EHD4: variants seen among roughly 807,000 people sequenced by gnomAD.
EHD4 encodes EH domain-containing protein 4.
In EHD4, 37 loss-of-function variants were observed where a neutral mutation model predicts 51.0. The ratio of observed to expected loss-of-function variants is 0.73; its 90% CI spans 0.56 to 0.95. The LOEUF (loss-of-function observed/expected upper bound fraction) is 0.95. Ranked by LOEUF, EHD4 falls within the 40% of genes least tolerant of loss-of-function variation. The pLI is 0.00. For missense variants in EHD4, 632 were observed against 733.1 expected (o/e 0.86, Z 1.59); for synonymous variants, 297 against 317.3 (o/e 0.94, Z 0.68).
intron 5 of EHD4, among the ~76,000 whole-genome samples, chr15:41,909,346 C>T (rs1318894499): frequency 2.0e-5 from 3 of 152,188 alleles, no homozygotes; most frequent in Non-Finnish European, 4.4e-5. Flanking sequence ...TGGAGGAGGC[C>T]GCCCAAGGTG....
At chr15:41,927,587 T>A (rs969031287) in intron 3 of EHD4, among the ~76,000 whole-genome samples, 1 of 152,160 alleles carries the variant, frequency 6.6e-6, no homozygotes, top group Non-Finnish European at 1.5e-5. Flanking sequence ...AATAAGCCCA[T>A]CACAGAAGGA....
chr15:41,957,855 C>T (rs966148749), intron 1 of EHD4, among the ~76,000 whole-genome samples: 2 of 152,106 alleles, frequency 1.3e-5, no homozygotes, highest in Non-Finnish European at 2.9e-5. Flanking sequence ...TGAGGGAACT[C>T]GGAACAACCA....
intron 1 of EHD4, among the ~76,000 whole-genome samples, chr15:41,971,182 G>A (rs1301019325): frequency 6.6e-6 from 1 of 152,210 alleles, no homozygotes; most frequent in Non-Finnish European, 1.5e-5. Flanking sequence ...GGTCACTGGA[G>A]TGGAGAAAAA....
rs146404831 is a variant in EHD4 at position 41,968,835 on chromosome 15, A to ACTC, written c.236+3421_236+3423dup. ...GAAAATTTATTCTTTTACAGGGTGC[A>ACTC]CTCCTTTAGTATATTCACAAAGTTG... On this transcript the variant is annotated intron_variant, in intron 1 of 5. Coordinates refer to ENST00000220325, the MANE Select transcript of EHD4 (RefSeq NM_139265.4). Among the ~76,000 whole-genome samples, 4 of 152,268 alleles carry ACTC rather than the reference A, an allele frequency of 2.6e-5. No homozygotes were observed. In the East Asian group the frequency reaches 7.7e-4, roughly 29 times the overall value.
Position 41,955,906 on chromosome 15 carries a change from C to T in EHD4, c.237-1966G>A, listed in dbSNP as rs150932068. On this transcript the variant is annotated intron_variant, in intron 1 of 5. Transcript: ENST00000220325. ...GAGGCTGGAATTCAAAGCCAGATCA[C>T]ACTCTTGCCTCCACTCACGTCCAGT... is the stretch of plus-strand genomic sequence containing the variant. Among the ~76,000 whole-genome samples the T allele has an allele frequency of 1.8e-4, 27 of 152,330 alleles. No homozygotes were observed. The East Asian group carries it at 5.0e-3, about 28-fold the overall frequency.
intron 3 of EHD4, 68 bp from the exon 4 acceptor site, chr15:41,919,690 G>C: frequency 7.0e-7 from 1 of 1,421,852 alleles, no homozygotes; most frequent in Admixed American, 2.7e-5. Context: ...GGCGGCTCAG[G>C]AACAGTCTCG....
intron 2 of EHD4, among the ~76,000 whole-genome samples, chr15:41,948,018 AG>A (rs5812209): frequency 0.44 from 67,347 of 151,938 alleles, 15,949 homozygotes; most frequent in Non-Finnish European, 0.55. Context: ...GCACTTTGGG[AG>A]GCCAAGGCAG....
intron 5 of EHD4, among the ~76,000 whole-genome samples, chr15:41,907,822 C>CTGTGTGTG (rs1491431357): frequency 1.6e-5 from 2 of 127,404 alleles, no homozygotes; most frequent in African/African-American, 6.0e-5. Context: ...TGCGCCCAGG[C>CTGTGTGTG]TCTGTGTGTG....
At chr15:41,966,409 T>C (rs1272695892) in intron 1 of EHD4, among the ~76,000 whole-genome samples, 2 of 152,164 alleles carry the variant, frequency 1.3e-5, no homozygotes, top group Non-Finnish European at 2.9e-5. Flanking sequence ...TCCCCTTTTC[T>C]TGGTAGCAGC....
In EHD4 at chr15:41,901,195, A is replaced by G. The variant is rs78324240; in HGVS notation, c.1090-14T>C. On this transcript the variant is annotated splice_polypyrimidine_tract_variant and intron_variant, in intron 5 of 5. Coordinates refer to ENST00000220325, the MANE Select transcript of EHD4 (RefSeq NM_139265.4). Reference sequence around the variant, plus strand: ...CTCAAGCTGTTCCTGCAGAAGGACAAACCACAGGATGGGTTACATGTGGTC... The same window carrying G: ...CTCAAGCTGTTCCTGCAGAAGGACAGACCACAGGATGGGTTACATGTGGTC... 957 of 1,534,060 alleles carry G rather than the reference A, an allele frequency of 6.2e-4. 6 individuals carry two copies. In the African/African-American group the frequency reaches 0.012, roughly 20 times the overall value.
At chr15:41,923,605 A>C (rs922727713) in intron 3 of EHD4, among the ~76,000 whole-genome samples, 1 of 152,148 alleles carries the variant, frequency 6.6e-6, no homozygotes, top group African/African-American at 2.4e-5. Context: ...CTGCACTTGG[A>C]AGCTTCCCAG....
At chr15:41,958,240 G>A (rs971276458) in intron 1 of EHD4, among the ~76,000 whole-genome samples, 1 of 151,818 alleles carries the variant, frequency 6.6e-6, no homozygotes, top group African/African-American at 2.4e-5. Flanking sequence ...CTGTGTTCTC[G>A]GAGAGGCCTG....
At chr15:41,947,663 C>T (rs2067824450) in intron 2 of EHD4, among the ~76,000 whole-genome samples, 1 of 152,194 alleles carries the variant, frequency 6.6e-6, no homozygotes, top group South Asian at 2.1e-4. Flanking sequence ...CCACAAATGG[C>T]TAATCTTATC....
At chr15:41,948,039 G>A (rs998271403) in intron 2 of EHD4, among the ~76,000 whole-genome samples, 6 of 152,072 alleles carry the variant, frequency 3.9e-5, no homozygotes, top group Non-Finnish European at 7.4e-5. Context: ...GGTGGATCAC[G>A]AGGTCAGGAG....
At chr15:41,959,448 G>A (rs1342526147) in intron 1 of EHD4, among the ~76,000 whole-genome samples, 2 of 145,614 alleles carry the variant, frequency 1.4e-5, no homozygotes, top group Admixed American at 6.9e-5. Context: ...GATGATAAAC[G>A]AGATCTTAAA....
At chr15:41,950,825 T>C (rs994061663) in intron 2 of EHD4, among the ~76,000 whole-genome samples, 1 of 152,220 alleles carries the variant, frequency 6.6e-6, no homozygotes, top group Non-Finnish European at 1.5e-5. Flanking sequence ...TGATGGCCTC[T>C]CCCTGAGCAA....
At chr15:41,935,529 A>C (rs1450805289) in intron 3 of EHD4, among the ~76,000 whole-genome samples, 1 of 152,212 alleles carries the variant, frequency 6.6e-6, no homozygotes, top group Non-Finnish European at 1.5e-5. Flanking sequence ...AAAATTGCTA[A>C]AGGAAAAAAA....
At chr15:41,962,385 A>G (rs1305652419) in intron 1 of EHD4, among the ~76,000 whole-genome samples, 1 of 152,220 alleles carries the variant, frequency 6.6e-6, no homozygotes, top group Non-Finnish European at 1.5e-5. Context: ...AATATTTAAG[A>G]TGGTATGGTG....
chr15:41,901,230 G>A (rs1394100857), intron 5 of EHD4, 49 bp from the exon 6 acceptor site: 2 of 1,499,448 alleles, frequency 1.3e-6, no homozygotes, highest in African/African-American at 2.8e-5. Flanking sequence ...CTCTTCAGGG[G>A]GAAACAGTTG....
Sources: gnomAD v4.1 joint callset for allele counts (sites outside exome capture counted in the v4.1 genomes callset) on GRCh38, gnomAD v4.1.1 for gene constraint, MANE v1.5 for transcripts, NCBI Gene and HGNC (gene_info 2026-07-23, HGNC 2026-07-21) for gene names.